Variants in CRTAC1 observed in about 807,000 individuals in gnomAD.
CRTAC1 encodes acidic secreted protein in cartilage.
In CRTAC1, 37 loss-of-function variants were observed where a neutral mutation model predicts 67.8. The ratio of observed to expected loss-of-function variants is 0.55; its 90% CI spans 0.42 to 0.72. The LOEUF is 0.72. Among genes scored for constraint, CRTAC1 ranks in the 30% least tolerant of loss-of-function variants. CRTAC1 has a pLI of 0.00. For synonymous variants in CRTAC1, 348 were observed against 371.0 expected (o/e 0.94, Z 0.71); for missense variants, 780 against 931.6 (o/e 0.84, Z 2.12).
At chr10:97,983,290 T>C (rs1400821417) in intron 2 of CRTAC1, among the ~76,000 whole-genome samples, 1 of 148,018 alleles carries the variant, frequency 6.8e-6, no homozygotes, top group African/African-American at 2.7e-5. Context: ...GCACCTACAC[T>C]GTGCTTACAT....
chr10:97,952,538 C>CAAAAAAAAAA (rs397844653), intron 2 of CRTAC1, among the ~76,000 whole-genome samples: 23 of 64,220 alleles, frequency 3.6e-4, no homozygotes, highest in African/African-American at 1.5e-3. Context: ...AATTCCATCT[C>CAAAAAAAAAA]AAAAAAAAAA....
intron 5 of CRTAC1, among the ~76,000 whole-genome samples, chr10:97,914,781 G>A (rs760613203): frequency 4.3e-4 from 66 of 152,288 alleles, no homozygotes; most frequent in Non-Finnish European, 8.7e-4. Flanking sequence ...GCACTGTCCC[G>A]GCTTCAAGAG....
At chr10:98,028,516 C>T (rs1025243516) in intron 1 of CRTAC1, among the ~76,000 whole-genome samples, 1 of 152,128 alleles carries the variant, frequency 6.6e-6, no homozygotes, top group African/African-American at 2.4e-5. Flanking sequence ...AAGTCTATTG[C>T]ACTCCCTAGA....
At chr10:97,917,795 C>A (rs886965642) in intron 4 of CRTAC1, 139 bp from the exon 5 acceptor site, 3 of 539,640 alleles carry the variant, frequency 5.6e-6, no homozygotes, top group East Asian at 6.7e-5. Context: ...AATGGCCTTG[C>A]AGGCTGTGCA....
At chr10:97,921,121 A>C (rs1308147532) in intron 4 of CRTAC1, among the ~76,000 whole-genome samples, 2 of 152,146 alleles carry the variant, frequency 1.3e-5, no homozygotes, top group African/African-American at 2.4e-5. Context: ...TGAACCTCAG[A>C]TTGCTGGCCC....
chr10:97,964,660 T>G (rs1242991546), intron 2 of CRTAC1, among the ~76,000 whole-genome samples: 1 of 152,206 alleles, frequency 6.6e-6, no homozygotes, highest in Admixed American at 6.5e-5. Context: ...GTGCTGATGA[T>G]GTTATTAACG....
intron 5 of CRTAC1, among the ~76,000 whole-genome samples, chr10:97,910,148 T>C (rs1344828366): frequency 6.6e-6 from 1 of 152,226 alleles, no homozygotes; most frequent in Admixed American, 6.5e-5. Flanking sequence ...ATGGTGACTT[T>C]AGTTAATAAG....
rs138819524 is a variant in CRTAC1 at position 97,865,581 on chromosome 10, C to T, written c.1953G>A (p.Ser651=). 4.0e-5 allele frequency: 65 copies of T among 1,612,686 alleles called. No individual in the cohort carries two copies. Among genetic ancestry groups the T allele is most frequent in the African/African-American group, 2.7e-4 (20 of 74,922 alleles). The change falls in exon 15 of 15, where the codon TCG becomes TCA. Residue 651 remains serine (S), a synonymous_variant. Coordinates refer to ENST00000370597, the MANE Select transcript of CRTAC1 (RefSeq NM_018058.7). ...VLVDGDLNLG[S]VVKESCEPSC ...TGGGCTCGCAGCTCTCCTTAACCAC[C>T]GACCCCAGATTGAGATCTCCATCTA...
rs550678054 is a variant in CRTAC1 at position 97,890,686 on chromosome 10, A to G, written c.1486+4559T>C. Among the ~76,000 whole-genome samples the G allele has an allele frequency of 1.4e-4, 18 of 132,318 alleles. 1 individual carries two copies. The South Asian group carries it at 4.0e-3, about 29-fold the overall frequency. The allele number at this position is 132,318 out of a possible 152,430, so 86.8% of individuals were successfully genotyped here. ...CTTTTCTTTCTTTTTTTTTTTTTTGAGACGGAGTTTCGCTTTTGTTGCCTA... is the reference window on the plus strand; with the variant it reads ...CTTTTCTTTCTTTTTTTTTTTTTTGGGACGGAGTTTCGCTTTTGTTGCCTA... On this transcript the variant is annotated intron_variant, in intron 11 of 14. Coordinates refer to ENST00000370597, the MANE Select transcript of CRTAC1 (RefSeq NM_018058.7).
At chr10:97,981,184 T>C (rs536869312) in intron 2 of CRTAC1, among the ~76,000 whole-genome samples, 10 of 152,322 alleles carry the variant, frequency 6.6e-5, no homozygotes, top group African/African-American at 2.2e-4. Context: ...GATCCTATAA[T>C]TATGATCATT....
intron 2 of CRTAC1, among the ~76,000 whole-genome samples, chr10:97,961,612 C>T (rs2051527083): frequency 6.6e-6 from 1 of 152,156 alleles, no homozygotes; most frequent in Non-Finnish European, 1.5e-5. Flanking sequence ...GAGAAATTAA[C>T]CTCTATAGGG....
intron 2 of CRTAC1, among the ~76,000 whole-genome samples, chr10:97,961,983 C>T (rs1156948064): frequency 1.3e-5 from 2 of 152,112 alleles, no homozygotes; most frequent in Non-Finnish European, 2.9e-5. Context: ...TTAGAGGTGT[C>T]TTTTTTAGAA....
intron 2 of CRTAC1, among the ~76,000 whole-genome samples, chr10:98,010,922 C>T (rs549088051): frequency 1.8e-4 from 28 of 152,308 alleles, no homozygotes; most frequent in African/African-American, 6.3e-4. Context: ...TCCAAACTTC[C>T]TTCCATCCTG....
chr10:98,027,351 T>C (rs898323755), intron 1 of CRTAC1, among the ~76,000 whole-genome samples: 6 of 152,124 alleles, frequency 3.9e-5, no homozygotes, highest in African/African-American at 1.4e-4. Context: ...TAGAATGTCC[T>C]AGCACTCTGA....
At chr10:97,885,170 T>G (rs2050264763) in intron 11 of CRTAC1, among the ~76,000 whole-genome samples, 1 of 152,090 alleles carries the variant, frequency 6.6e-6, no homozygotes, top group South Asian at 2.1e-4. Flanking sequence ...GACAGCCTCT[T>G]AGGGAGGCGG....
chr10:98,011,440 A>T (rs534619943), intron 1 of CRTAC1, 103 bp from the exon 2 acceptor site: 1 of 1,354,914 alleles, frequency 7.4e-7, no homozygotes, highest in Non-Finnish European at 1.0e-6. Context: ...TCTCCCATTC[A>T]TGGAGAGCTT....
chr10:98,019,071 G>A (rs56364078), intron 1 of CRTAC1, among the ~76,000 whole-genome samples: 2 of 150,400 alleles, frequency 1.3e-5, no homozygotes, highest in East Asian at 1.9e-4. Flanking sequence ...TAAGTTAGCT[G>A]GGGGGGGAGC....
chr10:97,950,233 G>GCACACA (rs58716155), intron 2 of CRTAC1, among the ~76,000 whole-genome samples: 1 of 126,252 alleles, frequency 7.9e-6, no homozygotes. Flanking sequence ...GCATGTACGT[G>GCACACA]CACACACACA....
At chr10:98,011,644 G>T (rs1191974094) in intron 1 of CRTAC1, among the ~76,000 whole-genome samples, 1 of 152,126 alleles carries the variant, frequency 6.6e-6, no homozygotes, top group African/African-American at 2.4e-5. Flanking sequence ...ATTATTTATT[G>T]TGTGCCTCCC....
Sources: allele counts gnomAD v4.1 joint callset (sites outside exome capture counted in the v4.1 genomes callset), GRCh38; gene constraint gnomAD v4.1.1; transcripts MANE v1.5; gene names NCBI Gene and HGNC (gene_info 2026-07-23, HGNC 2026-07-21).